The following VDAC2 variants were observed in gnomAD, a reference collection of about 807,000 sequenced individuals.
VDAC2 encodes non-selective voltage-gated ion channel VDAC2.
In VDAC2, 6 loss-of-function variants were observed where a neutral mutation model predicts 36.6. The ratio of observed to expected loss-of-function variants is 0.16; its 90% CI spans 0.09 to 0.32. The LOEUF is 0.32. Among genes scored for constraint, VDAC2 ranks in the 10% least tolerant of loss-of-function variants. The pLI, the probability that VDAC2 is intolerant of heterozygous loss-of-function variation, is 1.00. For missense variants in VDAC2, 247 were observed against 346.0 expected (o/e 0.71, Z 2.27); for synonymous variants, 109 against 123.8 (o/e 0.88, Z 0.79).
At chr10:75,211,838 A>C (rs1245017376) in intron 2 of VDAC2, among the ~76,000 whole-genome samples, 1 of 152,222 alleles carries the variant, frequency 6.6e-6, no homozygotes, top group Non-Finnish European at 1.5e-5. Context: ...TAAAGGGCCT[A>C]GTCTTAGGTT....
intron 6 of VDAC2, among the ~76,000 whole-genome samples, chr10:75,219,575 C>T (rs1211276060): frequency 6.6e-6 from 1 of 152,108 alleles, no homozygotes; most frequent in Non-Finnish European, 1.5e-5. Flanking sequence ...TCTCAGCTTC[C>T]TGGGTTCAAG....
rs773850559 is a variant in VDAC2 at position 75,214,610 on chromosome 10, C to T, written c.150+540C>T. Among the ~76,000 whole-genome samples, 3 of 152,098 alleles carry T rather than the reference C, an allele frequency of 2.0e-5. No individual in the cohort carries two copies. In the South Asian group the frequency reaches 6.2e-4, roughly 32 times the overall value. ...TGTGATTGTGGCTCACTGCAACCTC[C>T]GCCTCCTGAGTTCAGGTGATTCTCT... On this transcript the variant is annotated intron_variant, in intron 4 of 9. Transcript: ENST00000332211.
Position 75,222,290 on chromosome 10 carries a change from A to C in VDAC2, c.623A>C (p.Lys208Thr). The C allele has an allele frequency of 6.2e-7, 1 of 1,614,010 alleles. No individual in the cohort carries two copies. Among genetic ancestry groups the C allele is most frequent in the South Asian group, 1.1e-5 (1 of 91,018 alleles). ...GTEFGGSIYQ[K>T]VCEDLDTSVN... ...GAATTTGGAGGATCAATTTATCAGA[A>C]AGTTTGTGAAGATCTTGACACTTCA... The change falls in exon 8 of 10, where the codon AAA becomes ACA. Residue 208 changes from lysine to threonine, a missense_variant. Around this residue, in one of 3 missense-constraint regions of VDAC2, gnomAD observed 159 missense variants for 234.0 expected, o/e 0.68. Coordinates refer to ENST00000332211, the MANE Select transcript of VDAC2 (RefSeq NM_001391963.1).
At chr10:75,211,538 GTCA>G in intron 2 of VDAC2, 1 of 1,550,002 alleles carries the variant, frequency 6.5e-7, no homozygotes, top group Non-Finnish European at 8.7e-7. Flanking sequence ...AGAGCGCAAG[GTCA>G]TTACTTGTGC....
At chr10:75,215,161 G>C (rs1589999743) in intron 4 of VDAC2, among the ~76,000 whole-genome samples, 1 of 149,574 alleles carries the variant, frequency 6.7e-6, no homozygotes, top group African/African-American at 2.5e-5. Context: ...TGATCCACTT[G>C]CCTTGGCCTC....
chr10:75,224,021 G>A (rs1841890900), intron 8 of VDAC2, among the ~76,000 whole-genome samples: 1 of 152,190 alleles, frequency 6.6e-6, no homozygotes, highest in East Asian at 1.9e-4. Flanking sequence ...TAAATAAAGT[G>A]TTTCTTGAGT....
At chr10:75,219,657 G>A (rs538987418) in intron 6 of VDAC2, among the ~76,000 whole-genome samples, 1 of 151,264 alleles carries the variant, frequency 6.6e-6, no homozygotes, top group Non-Finnish European at 1.5e-5. Context: ...GCTAATTTTT[G>A]TATTTTTAGT....
At position 75,231,084 on chromosome 10, in the gene VDAC2, G is replaced by T. The variant is rs1225941974; in HGVS notation, c.*95G>T. On this transcript the variant is annotated 3_prime_UTR_variant, in exon 10 of 10. Coordinates refer to ENST00000332211, the MANE Select transcript of VDAC2 (RefSeq NM_001391963.1). ...GCAGCAGGCTTTTTTCCCCCAAGAA[G>T]ATGATCAAAACAAAGGATGATCTCA... 1 of 867,968 alleles carries T rather than the reference G, an allele frequency of 1.2e-6. No individual in the cohort carries two copies. Among genetic ancestry groups the T allele is most frequent in the Non-Finnish European group, 1.8e-6 (1 of 555,044 alleles). 53.8% of individuals were successfully genotyped at this position (867,968 alleles called of 1,614,324 possible). A position where few individuals can be genotyped will look rare whatever the true frequency, so the allele number is the denominator to read the frequency against.
intron 7 of VDAC2, 98 bp from the exon 8 acceptor site, chr10:75,222,154 T>C: frequency 1.5e-6 from 2 of 1,303,414 alleles, no homozygotes; most frequent in East Asian, 2.4e-5. Flanking sequence ...CCACTTGAGC[T>C]GTGGTTTTTT....
rs1184261434 is a variant in VDAC2, at chr10:75,219,306, T to G, written c.306T>G (p.Ile102Met). ...AAATTACTTTTCTTTCAAAATAGAT[T>G]TGTCAAGGTTTGAAACTGACATTTG... is the stretch of plus-strand genomic sequence containing the variant. ...LGTEIAIEDQ[I>M]CQGLKLTFDT... Residue 102 changes from isoleucine (I) to methionine (M), a missense_variant and splice_region_variant, in exon 6 of 10, where the codon ATT becomes ATG. Around this residue, in one of 3 missense-constraint regions of VDAC2, gnomAD observed 159 missense variants for 234.0 expected, o/e 0.68. Coordinates refer to ENST00000332211, the MANE Select transcript of VDAC2 (RefSeq NM_001391963.1). 4 of 1,594,626 alleles carry G rather than the reference T, an allele frequency of 2.5e-6. No individual in the cohort carries two copies. Among genetic ancestry groups the G allele is most frequent in the Middle Eastern group, 2.3e-4 (1 of 4,390 alleles).
rs750190000 is a variant in VDAC2 at position 75,214,090 on chromosome 10, A to G, written c.150+20A>G. The G allele has an allele frequency of 6.2e-7, 1 of 1,611,352 alleles. No homozygotes were observed. Among genetic ancestry groups the G allele is most frequent in the Non-Finnish European group, 8.5e-7 (1 of 1,178,322 alleles). Reference sequence around the variant, plus strand: ...GGCGTGGTGAGTGTTACTGTTGAATAAGTTCTATTGAACCTTTATAATTTT... The same window carrying G: ...GGCGTGGTGAGTGTTACTGTTGAATGAGTTCTATTGAACCTTTATAATTTT... On this transcript the variant is annotated intron_variant, in intron 4 of 9. Transcript: ENST00000332211.
chr10:75,227,882 A>ATTTC (rs758959648), intron 8 of VDAC2, among the ~76,000 whole-genome samples: 7 of 146,230 alleles, frequency 4.8e-5, no homozygotes, highest in African/African-American at 7.6e-5. Context: ...AATAATGGGA[A>ATTTC]TTTCTTTCTT....
intron 8 of VDAC2, among the ~76,000 whole-genome samples, chr10:75,227,576 A>AGTTTTTTTTTTTTTTTTTTT (rs1841989654): frequency 3.3e-5 from 3 of 90,778 alleles, no homozygotes; most frequent in African/African-American, 1.6e-4. Context: ...AAATAATAGG[A>AGTTTTTTTTTTTTTTTTTTT]ATTTTTTTTT....
In VDAC2 at chr10:75,217,808, A is replaced by T; in HGVS notation, c.151-1255A>T. The T allele has an allele frequency of 3.6e-6, 3 of 839,942 alleles. No individual in the cohort carries two copies. The East Asian group carries it at 2.0e-4, about 55-fold the overall frequency. The allele number at this position is 839,942 out of a possible 1,614,324, so 52.0% of individuals were successfully genotyped here. A position where few individuals can be genotyped will look rare whatever the true frequency, so the allele number is the denominator to read the frequency against. ...TCTCTAACAGCAGAGCAATAGTTAT[A>T]CAAATGTTCTATTTTCTGAGAGAAG... On this transcript the variant is annotated intron_variant, in intron 4 of 9. Transcript: ENST00000332211.
At position 75,227,576 on chromosome 10, in the gene VDAC2, A is replaced by AGTTTTTTTTTTTTTTTTTTTTTTTTTT. The variant is rs1841989654; in HGVS notation, c.736-2068_736-2067insGTTTTTTTTTTTTTTTTTTTTTTTTTT. ...TTAACTCTTACTGTTAAATAATAGG[A>AGTTTTTTTTTTTTTTTTTTTTTTTTTT]ATTTTTTTTTTTTTTTTTTTTTGGA... On this transcript the variant is annotated intron_variant, in intron 8 of 9. Coordinates refer to ENST00000332211, the MANE Select transcript of VDAC2 (RefSeq NM_001391963.1). 3.3e-5 allele frequency among the ~76,000 whole-genome samples: 3 copies of AGTTTTTTTTTTTTTTTTTTTTTTTTTT among 90,766 alleles called. 1 individual carries two copies. The highest frequency in any genetic ancestry group is 5.4e-5 in the African/African-American group (1 of 18,616). The allele number at this position is 90,766 out of a possible 152,430, so 59.5% of individuals were successfully genotyped here.
chr10:75,210,714 C>A, upstream of VDAC2: 1 of 157,466 alleles, frequency 6.4e-6, no homozygotes, highest in Non-Finnish European at 1.4e-5. Flanking sequence ...CGCTCTGGAG[C>A]AGGTTGGAGT....
In VDAC2 at chr10:75,216,726, C is replaced by T. The variant is rs554397185; in HGVS notation, c.151-2337C>T. Among the ~76,000 whole-genome samples, 6 of 152,260 alleles carry T rather than the reference C, an allele frequency of 3.9e-5. No homozygotes were observed. The East Asian group carries it at 1.2e-3, about 29-fold the overall frequency. ...TATAGGCTGGCTCTTGATCTGTGGG[C>T]TGATGAATGGCCGTAGGTGGGGCCC... is the stretch of plus-strand genomic sequence containing the variant. On this transcript the variant is annotated intron_variant, in intron 4 of 9. Coordinates refer to ENST00000332211, the MANE Select transcript of VDAC2 (RefSeq NM_001391963.1).
At chr10:75,223,525 A>C (rs1292003844) in intron 8 of VDAC2, among the ~76,000 whole-genome samples, 2 of 152,160 alleles carry the variant, frequency 1.3e-5, no homozygotes, top group African/African-American at 4.8e-5. Context: ...CCACTTCAGT[A>C]ATGTTAGCTG....
rs1841386569 is a variant in VDAC2 at position 75,210,843 on chromosome 10, C to T, written c.-121C>T. 6.4e-6 allele frequency: 2 copies of T among 312,978 alleles called. No individual in the cohort carries two copies. The highest frequency in any genetic ancestry group is 9.6e-5 in the South Asian group (1 of 10,450). The allele number at this position is 312,978 out of a possible 1,614,324, so 19.4% of individuals were successfully genotyped here. ...GGAACGGTGTCTCCTTCACTTCGCC[C>T]TCCAGCTGCTGGAGCTGCAGCCCGA... On this transcript the variant is annotated 5_prime_UTR_variant, in exon 1 of 10. Coordinates refer to ENST00000332211, the MANE Select transcript of VDAC2 (RefSeq NM_001391963.1).
Sources: gnomAD v4.1 joint callset for allele counts (sites outside exome capture counted in the v4.1 genomes callset) on GRCh38, gnomAD v4.1.1 for gene constraint, gnomAD v4.1.1 regional missense constraint, MANE v1.5 for transcripts, NCBI Gene and HGNC (gene_info 2026-07-23, HGNC 2026-07-21) for gene names.